Variants in CPS1 observed in about 807,000 individuals in gnomAD.
CPS1 encodes carbamoyl-phosphate synthase 1, also known as carbamoyl-phosphate synthase [ammonia], mitochondrial.
A neutral mutation model predicts 174.6 loss-of-function variants in CPS1; 109 were observed. The ratio of observed to expected loss-of-function variants is 0.62; its 90% confidence interval spans 0.53 to 0.73. The LOEUF (loss-of-function observed/expected upper bound fraction) is 0.73, where lower values mean the gene tolerates loss of function less well. Ranked by LOEUF, CPS1 falls within the 30% of genes least tolerant of loss-of-function variation. The pLI, the probability that CPS1 is intolerant of heterozygous loss-of-function variation, is 0.00. For missense variants in CPS1, 1,689 were observed against 1,821.9 expected, an observed-to-expected ratio of 0.93 and a Z score of 1.33; for synonymous variants, 637 against 632.0, an observed-to-expected ratio of 1.01 and a Z score of -0.12.
chr2:210,642,478 C>T lies in CPS1; in HGVS notation c.2960-6C>T. 1 of 1,613,914 alleles carries T rather than the reference C, an allele frequency of 6.2e-7. No homozygotes were observed. Among genetic ancestry groups the T allele is most frequent in the Non-Finnish European group, 8.5e-7 (1 of 1,179,830 alleles). On this transcript the variant is annotated splice_polypyrimidine_tract_variant and splice_region_variant and intron_variant, in intron 24 of 37. Coordinates refer to ENST00000233072, the MANE Select transcript of CPS1 (RefSeq NM_001875.5). ...ATCCCTTTTGCCAATCTCATTGTCT[C>T]TGCAGGCAGCAGTGTGGAATTTGAT...
intron 1 of CPS1, among the ~76,000 whole-genome samples, chr2:210,507,028 G>A (rs1302686801): frequency 1.1e-4 from 17 of 152,154 alleles, no homozygotes; most frequent in South Asian, 2.1e-4. Flanking sequence ...TACAGAGAAC[G>A]CCACAAAGAT....
chr2:210,605,078 A>G (rs1280464320), intron 16 of CPS1, 24 bp from the exon 17 acceptor site: 1 of 1,611,072 alleles, frequency 6.2e-7, no homozygotes, highest in African/African-American at 1.3e-5. Context: ...TTACTCTTTG[A>G]TATCTTTTGT....
chr2:210,546,493 A>G (rs1327028196), intron 1 of CPS1, among the ~76,000 whole-genome samples: 1 of 152,162 alleles, frequency 6.6e-6, no homozygotes, highest in Non-Finnish European at 1.5e-5. Flanking sequence ...ATTGTATGAT[A>G]CAAACAAGAT....
intron 1 of CPS1, among the ~76,000 whole-genome samples, chr2:210,544,685 T>C (rs1224930686): frequency 6.6e-6 from 1 of 152,072 alleles, no homozygotes. Flanking sequence ...TGACAATCTT[T>C]TTCTTCAGGC....
intron 6 of CPS1, among the ~76,000 whole-genome samples, chr2:210,587,045 C>T (rs1698134487): frequency 6.9e-6 from 1 of 144,830 alleles, no homozygotes; most frequent in Non-Finnish European, 1.5e-5. Flanking sequence ...AGCAATAACT[C>T]CCCCCAGATC....
intron 30 of CPS1, among the ~76,000 whole-genome samples, chr2:210,656,928 T>C (rs1700726970): frequency 6.6e-6 from 1 of 152,050 alleles, no homozygotes; most frequent in Non-Finnish European, 1.5e-5. Flanking sequence ...CATCCCCCAG[T>C]TTCTGATTTC....
intron 1 of CPS1, among the ~76,000 whole-genome samples, chr2:210,563,285 CCTTTT>C (rs769453255): frequency 4.6e-5 from 7 of 152,000 alleles, no homozygotes; most frequent in Non-Finnish European, 8.8e-5. Flanking sequence ...TTTGATTTTT[CCTTTT>C]CTTTTTTTGA....
chr2:210,535,380 A>G (rs901386822), intron 1 of CPS1, among the ~76,000 whole-genome samples: 1 of 152,098 alleles, frequency 6.6e-6, no homozygotes, highest in African/African-American at 2.4e-5. Context: ...CAATCCCTCC[A>G]CATATTAAAA....
intron 37 of CPS1, 34 bp downstream of exon 37, chr2:210,677,170 G>C (rs768932528): frequency 1.2e-6 from 2 of 1,608,088 alleles, no homozygotes; most frequent in South Asian, 2.2e-5. Flanking sequence ...GACTGGATGG[G>C]AGTTTTATTT....
intron 20 of CPS1, among the ~76,000 whole-genome samples, chr2:210,614,021 T>A (rs528244435): frequency 6.6e-6 from 1 of 151,904 alleles, no homozygotes; most frequent in East Asian, 2.0e-4. Flanking sequence ...CTTTCATGAG[T>A]CTTAGAAAGA....
At chr2:210,575,415 A>G (rs1275808195) in intron 2 of CPS1, among the ~76,000 whole-genome samples, 1 of 152,012 alleles carries the variant, frequency 6.6e-6, no homozygotes, top group Non-Finnish European at 1.5e-5. Context: ...CAGTGCATGG[A>G]AAAAGTGTAG....
intron 16 of CPS1, among the ~76,000 whole-genome samples, 188 bp downstream of exon 16, chr2:210,602,518 A>T (rs920748812): frequency 6.6e-5 from 10 of 152,120 alleles, no homozygotes; most frequent in African/African-American, 1.9e-4. Context: ...TCATGCCAGG[A>T]TGCAATGATA....
At chr2:210,532,556 C>CT (rs138885002) in intron 1 of CPS1, among the ~76,000 whole-genome samples, 1 of 150,924 alleles carries the variant, frequency 6.6e-6, no homozygotes, top group African/African-American at 2.4e-5. Context: ...CTAACTATGT[C>CT]TTTTTTTTTA....
chr2:210,553,850 A>AT (rs1390306932), upstream of CPS1, among the ~76,000 whole-genome samples: 1 of 151,516 alleles, frequency 6.6e-6, no homozygotes, highest in East Asian at 1.9e-4. Context: ...TGTGTAATAT[A>AT]TTTTTTTCCA....
chr2:210,544,067 C>T (rs769433967), intron 1 of CPS1, among the ~76,000 whole-genome samples: 9 of 151,954 alleles, frequency 5.9e-5, no homozygotes, highest in African/African-American at 1.2e-4. Flanking sequence ...CACTGATTTG[C>T]GCAGTTTTTA....
At position 210,582,706 on chromosome 2, in the gene CPS1, C is replaced by A. The variant is rs1697965317; in HGVS notation, c.618C>A (p.Thr206=). The change falls in exon 6 of 38, where the codon ACC becomes ACA. Residue 206 remains threonine (T), a synonymous_variant. Coordinates refer to ENST00000233072, the MANE Select transcript of CPS1 (RefSeq NM_001875.5). Reference sequence around the variant, plus strand: ...AGAATTTGATTGCTGAGGTTTCAACCAAGGTGAGGGGTTTTCCTTTATATT... The same window carrying A: ...AGAATTTGATTGCTGAGGTTTCAACAAAGGTGAGGGGTTTTCCTTTATATT... The part of the protein sequence containing the change: ...NKQNLIAEVS[T]KDVKVYGKGN... The A allele has an allele frequency of 6.2e-7, 1 of 1,607,298 alleles. No homozygotes were observed. Among genetic ancestry groups the A allele is most frequent in the African/African-American group, 1.3e-5 (1 of 74,840 alleles).
At chr2:210,635,203 G>C (rs527446006) in intron 21 of CPS1, among the ~76,000 whole-genome samples, 1 of 151,936 alleles carries the variant, frequency 6.6e-6, no homozygotes, top group South Asian at 2.1e-4. Context: ...TCAGCCTCCC[G>C]AAGTGCTGGT....
At chr2:210,562,794 C>G (rs1427679502) in intron 1 of CPS1, among the ~76,000 whole-genome samples, 2 of 151,300 alleles carry the variant, frequency 1.3e-5, no homozygotes, top group African/African-American at 4.8e-5. Context: ...GATTCAACAG[C>G]AATACCATAA....
intron 1 of CPS1, among the ~76,000 whole-genome samples, chr2:210,544,718 T>C (rs1696517834): frequency 1.3e-5 from 2 of 152,150 alleles, no homozygotes; most frequent in South Asian, 2.1e-4. Context: ...GCAGATAAAA[T>C]TTGGAGCAGA....
Sources: allele counts gnomAD v4.1 joint callset (sites outside exome capture counted in the v4.1 genomes callset), GRCh38; gene constraint gnomAD v4.1.1; transcripts MANE v1.5; gene names NCBI Gene and HGNC (gene_info 2026-07-23, HGNC 2026-07-21).